Variants in WWOX observed in about 807,000 individuals in gnomAD.
WWOX encodes the protein WW domain containing oxidoreductase, also known as WW domain-containing oxidoreductase.
A neutral mutation model predicts 46.2 loss-of-function variants in WWOX; 69 were observed. The observed-to-expected ratio is 1.49, with a 90% CI of 1.23 to 1.82. WWOX has a LOEUF of 1.82. Ranked by LOEUF, WWOX falls within the 40% of genes most tolerant of loss-of-function variation. The probability of loss-of-function intolerance (pLI) is 0.00; values close to 1 mark genes in which losing one functional copy is unlikely to be tolerated. For synonymous variants in WWOX, 359 were observed against 202.6 expected (o/e 1.77, Z -6.56); for missense variants, 919 against 542.6 (o/e 1.69, Z -6.89).
chr16:78,112,143 G>A (rs1218114803), intron 3 of WWOX, among the ~76,000 whole-genome samples: 1 of 152,190 alleles, frequency 6.6e-6, no homozygotes, highest in Admixed American at 6.5e-5. Context: ...GCTAAGCCCA[G>A]TAGGGCTGGA....
chr16:78,379,638 C>T (rs1311574622), intron 5 of WWOX, among the ~76,000 whole-genome samples: 1 of 152,202 alleles, frequency 6.6e-6, no homozygotes, highest in East Asian at 1.9e-4. Context: ...TATTTTGAAG[C>T]ATGCTCCGTA....
At chr16:79,052,038 A>ATT (rs200049742) in intron 8 of WWOX, among the ~76,000 whole-genome samples, 70 of 145,644 alleles carry the variant, frequency 4.8e-4, no homozygotes, top group Middle Eastern at 3.5e-3. Flanking sequence ...TTTTATTTTA[A>ATT]TTTTTTTTTT....
intron 8 of WWOX, among the ~76,000 whole-genome samples, chr16:79,186,607 A>C (rs565951279): frequency 3.3e-5 from 5 of 152,194 alleles, no homozygotes; most frequent in Non-Finnish European, 4.4e-5. Flanking sequence ...GTAACGTCAC[A>C]TTCTGAGGCA....
At chr16:78,426,601 C>T (rs1037914861) in intron 7 of WWOX, among the ~76,000 whole-genome samples, 17 of 152,128 alleles carry the variant, frequency 1.1e-4, no homozygotes, top group African/African-American at 3.9e-4. Context: ...CAGGCTTGCT[C>T]CTGTGTGATG....
At chr16:78,824,199 G>T (rs1398519478) in intron 8 of WWOX, among the ~76,000 whole-genome samples, 1 of 152,080 alleles carries the variant, frequency 6.6e-6, no homozygotes, top group East Asian at 1.9e-4. Context: ...CTCTCATTTT[G>T]CTTTTTATAA....
At chr16:78,549,820 ATTTG>A (rs1252097002) in intron 8 of WWOX, among the ~76,000 whole-genome samples, 2 of 152,214 alleles carry the variant, frequency 1.3e-5, no homozygotes, top group Non-Finnish European at 2.9e-5. Flanking sequence ...TGTAACAAAC[ATTTG>A]TATGGTGTAT....
At chr16:78,119,414 C>T (rs901366691) in intron 4 of WWOX, among the ~76,000 whole-genome samples, 3 of 152,246 alleles carry the variant, frequency 2.0e-5, no homozygotes, top group African/African-American at 7.2e-5. Context: ...ATGCTGCCCC[C>T]TGCTACCTGC....
chr16:78,263,865 C>G (rs1310912106), intron 5 of WWOX, among the ~76,000 whole-genome samples: 1 of 152,092 alleles, frequency 6.6e-6, no homozygotes, highest in Admixed American at 6.6e-5. Context: ...GATGGATTCA[C>G]CAGTGTGCTT....
chr16:78,500,081 A>G (rs933692654), intron 8 of WWOX, among the ~76,000 whole-genome samples: 1 of 152,202 alleles, frequency 6.6e-6, no homozygotes, highest in African/African-American at 2.4e-5. Flanking sequence ...GCAGACTAGC[A>G]TGGTTCAAAG....
chr16:78,572,257 G>A (rs772145739), intron 8 of WWOX, among the ~76,000 whole-genome samples: 6 of 152,108 alleles, frequency 3.9e-5, no homozygotes, highest in Admixed American at 1.3e-4. Flanking sequence ...ATACCAGAAC[G>A]TGCATCAACA....
chr16:78,927,751 T>G (rs1035624753), intron 8 of WWOX, among the ~76,000 whole-genome samples: 1 of 152,200 alleles, frequency 6.6e-6, no homozygotes, highest in African/African-American at 2.4e-5. Context: ...ATTTTTAGTT[T>G]CGTTTCATTG....
chr16:78,799,231 G>C (rs1160089232), intron 8 of WWOX, among the ~76,000 whole-genome samples: 1 of 152,156 alleles, frequency 6.6e-6, no homozygotes, highest in African/African-American at 2.4e-5. Flanking sequence ...AGTTCATCTG[G>C]AGTTAGGCTT....
intron 8 of WWOX, among the ~76,000 whole-genome samples, chr16:78,689,054 G>A (rs994120897): frequency 6.6e-6 from 1 of 152,210 alleles, no homozygotes; most frequent in Middle Eastern, 3.4e-3. Context: ...TCTCTTTGCT[G>A]TATAAATTAC....
chr16:79,034,626 A>T (rs2047830335), intron 8 of WWOX, among the ~76,000 whole-genome samples: 1 of 151,726 alleles, frequency 6.6e-6, no homozygotes, highest in South Asian at 2.1e-4. Flanking sequence ...TCTCAAAGGC[A>T]TTAATCTTTT....
intron 6 of WWOX, among the ~76,000 whole-genome samples, chr16:78,413,831 G>T (rs2082736287): frequency 6.6e-6 from 1 of 151,978 alleles, no homozygotes; most frequent in South Asian, 2.1e-4. Context: ...TGTCAGAAAT[G>T]CAAAAATCTG....
chr16:78,294,490 C>T (rs1282943488), intron 5 of WWOX, among the ~76,000 whole-genome samples: 2 of 152,108 alleles, frequency 1.3e-5, no homozygotes, highest in Non-Finnish European at 2.9e-5. Context: ...GTGAGTCCCT[C>T]TCAACAAAAC....
chr16:78,950,477 G>C (rs1169468384), intron 8 of WWOX, among the ~76,000 whole-genome samples: 1 of 151,080 alleles, frequency 6.6e-6, no homozygotes, highest in Admixed American at 6.6e-5. Flanking sequence ...AGGTGAACTT[G>C]AATTTGAGGA....
intron 8 of WWOX, among the ~76,000 whole-genome samples, chr16:79,008,302 G>A (rs963267113): frequency 2.6e-5 from 4 of 152,144 alleles, no homozygotes; most frequent in African/African-American, 4.8e-5. Context: ...TCTCTTCAGT[G>A]AGGGCCCAGC....
intron 8 of WWOX, among the ~76,000 whole-genome samples, chr16:79,063,768 A>G (rs2048394977): frequency 2.0e-5 from 3 of 152,216 alleles, no homozygotes; most frequent in Admixed American, 2.0e-4. Flanking sequence ...TCAAAATAAA[A>G]ATGAAAATGA....
Sources: gnomAD v4.1 joint callset for allele counts (sites outside exome capture counted in the v4.1 genomes callset) on GRCh38, gnomAD v4.1.1 for gene constraint, MANE v1.5 for transcripts, NCBI Gene and HGNC (gene_info 2026-07-23, HGNC 2026-07-21) for gene names.